PDC: variants seen among roughly 807,000 people sequenced by gnomAD.
PDC encodes 33 kDa phototransducing protein.
PDC carries 19 observed loss-of-function variants against 22.2 expected under a neutral mutation model. The ratio of observed to expected loss-of-function variants is 0.86; its 90% CI spans 0.60 to 1.26. The LOEUF (loss-of-function observed/expected upper bound fraction) is 1.26, where lower values mean the gene tolerates loss of function less well. PDC is among the 50% of genes most tolerant of loss of function. The pLI, the probability that PDC is intolerant of heterozygous loss-of-function variation, is 0.00. For missense variants in PDC, 274 were observed against 286.8 expected (o/e 0.96, Z 0.32); for synonymous variants, 97 against 96.2 (o/e 1.01, Z -0.05).
At chr1:186,457,838 G>T (rs1310019662) in intron 1 of PDC, among the ~76,000 whole-genome samples, 1 of 152,082 alleles carries the variant, frequency 6.6e-6, no homozygotes, top group Non-Finnish European at 1.5e-5. Flanking sequence ...TCATCCTGAT[G>T]CTGTTGAAAA....
intron 2 of PDC, among the ~76,000 whole-genome samples, chr1:186,446,822 T>TA (rs1662240696): frequency 6.6e-6 from 1 of 152,162 alleles, no homozygotes; most frequent in Admixed American, 6.5e-5. Context: ...AAAATATAAA[T>TA]TATGCACTTT....
rs1662166559 is a variant in PDC, at chr1:186,444,113, T to C, written c.607A>G (p.Ser203Gly). The change falls in exon 4 of 4, where the codon AGT (serine) becomes GGT (glycine). Residue 203 changes from serine to glycine, a missense_variant. Transcript: ENST00000391997. ...KGGELISNFISVAEQFAEEFF... is the reference protein window; with the variant it reads ...KGGELISNFIGVAEQFAEEFF... The stretch of plus-strand genomic sequence containing the variant: ...TCTTCAGCAAACTGTTCAGCAACAC[T>C]AATAAAATTGCTTATGAGTTCCCCA... The C allele has an allele frequency of 6.2e-7, 1 of 1,613,926 alleles. No individual in the cohort carries two copies. Among genetic ancestry groups the C allele is most frequent in the African/African-American group, 1.3e-5 (1 of 74,914 alleles).
chr1:186,459,249 T>A (rs1361684965), intron 1 of PDC, among the ~76,000 whole-genome samples: 1 of 152,142 alleles, frequency 6.6e-6, no homozygotes, highest in Non-Finnish European at 1.5e-5. Context: ...GATCCTGCTT[T>A]GCAGATCTGA....
chr1:186,458,240 T>C (rs1039861174), intron 1 of PDC, among the ~76,000 whole-genome samples: 11 of 149,142 alleles, frequency 7.4e-5, no homozygotes, highest in Non-Finnish European at 1.6e-4. Context: ...TTTTTTTTTT[T>C]TTTTTTTTTT....
intron 1 of PDC, among the ~76,000 whole-genome samples, chr1:186,456,782 G>A (rs1662481253): frequency 6.6e-6 from 1 of 152,112 alleles, no homozygotes; most frequent in Admixed American, 6.6e-5. Flanking sequence ...ATTAAACATG[G>A]GATAAAAATA....
chr1:186,454,176 T>TC (rs1391431952), intron 1 of PDC, among the ~76,000 whole-genome samples: 20 of 141,532 alleles, frequency 1.4e-4, no homozygotes, highest in Admixed American at 1.3e-3. Flanking sequence ...TTCTTTTTTT[T>TC]TTTTTTTTTT....
At chr1:186,453,395 A>T (rs905853759) in intron 1 of PDC, among the ~76,000 whole-genome samples, 1 of 152,230 alleles carries the variant, frequency 6.6e-6, no homozygotes, top group Non-Finnish European at 1.5e-5. Context: ...TATCGTCATT[A>T]TCATTGGTCA....
chr1:186,452,892 A>G (rs981571346), intron 1 of PDC, among the ~76,000 whole-genome samples: 2 of 152,200 alleles, frequency 1.3e-5, no homozygotes, highest in Non-Finnish European at 2.9e-5. Flanking sequence ...TATTTTCCAC[A>G]TCACATAATT....
chr1:186,447,085 C>A (rs575812924), intron 2 of PDC, among the ~76,000 whole-genome samples: 3 of 152,112 alleles, frequency 2.0e-5, no homozygotes, highest in South Asian at 2.1e-4. Context: ...AAAATTATTA[C>A]GAGAACATCC....
At chr1:186,455,971 C>CAAAAAAAAA (rs1213649798) in intron 1 of PDC, among the ~76,000 whole-genome samples, 2 of 8,654 alleles carry the variant, frequency 2.3e-4, no homozygotes, top group African/African-American at 3.5e-4. Context: ...GACTCCGTCT[C>CAAAAAAAAA]AAAAAAAAAA....
chr1:186,461,046 CT>C lies in PDC; in HGVS notation c.-25+12del, dbSNP rs1320731583. 1 of 154,916 alleles carries C rather than the reference CT, an allele frequency of 6.5e-6. No homozygotes were observed. Among genetic ancestry groups the C allele is most frequent in the East Asian group, 1.9e-4 (1 of 5,160 alleles). 9.6% of individuals were successfully genotyped at this position (154,916 alleles called of 1,614,324 possible). A position where few individuals can be genotyped will look rare whatever the true frequency, so the allele number is the denominator to read the frequency against. ...TAAAATTATATTATCAAAAGGACTA[CT>C]TGTGGACTCACAGTTTGGATCTCTG... On this transcript the variant is annotated intron_variant, in intron 1 of 3. Coordinates refer to ENST00000391997, the MANE Select transcript of PDC (RefSeq NM_002597.5).
At chr1:186,459,921 GA>G (rs5779292) in intron 1 of PDC, among the ~76,000 whole-genome samples, 49,546 of 140,444 alleles carry the variant, frequency 0.35, 9,122 homozygotes, top group African/African-American at 0.5. Context: ...AAACAAAATA[GA>G]AAAAAAAAAA....
chr1:186,444,379 A>G lies in PDC; in HGVS notation c.341T>C (p.Val114Ala), dbSNP rs778685072. ...KLSFGPRYGF[V>A]YELETGKQFL... ...TTGCTTTCCAGTTTCCAGCTCATAC[A>G]CAAACCCATATCTAGGCCCAAAACT... Residue 114 changes from valine (V) to alanine (A), a missense_variant, in exon 4 of 4, where the codon GTG becomes GCG. By Grantham distance (64) the Val-to-Ala change is moderately conservative. Coordinates refer to ENST00000391997, the MANE Select transcript of PDC (RefSeq NM_002597.5). 1 of 1,614,096 alleles carries G rather than the reference A, an allele frequency of 6.2e-7. No individual in the cohort carries two copies. The highest frequency in any genetic ancestry group is 8.5e-7 in the Non-Finnish European group (1 of 1,179,980).
rs1358311799 is a variant in PDC at position 186,444,075 on chromosome 1, C to A, written c.645G>T (p.Gly215=). 1.2e-6 allele frequency: 2 copies of A among 1,613,646 alleles called. No homozygotes were observed. Among genetic ancestry groups the A allele is most frequent in the South Asian group, 2.2e-5 (2 of 91,070 alleles). ...AEQFAEEFFA[G]DVESFLNEYG... ...ATTCATTTAGGAAAGACTCCACATC[C>A]CCAGCAAAAAATTCTTCAGCAAACT... The change falls in exon 4 of 4, where the codon GGG becomes GGT. Residue 215 remains glycine (G), a synonymous_variant. Transcript: ENST00000391997.
intron 2 of PDC, 23 bp downstream of exon 2, chr1:186,449,376 T>A: frequency 6.6e-7 from 1 of 1,514,516 alleles, no homozygotes; most frequent in Non-Finnish European, 9.1e-7. Flanking sequence ...TTAATAATTA[T>A]TTTTTCTTCT....
Position 186,444,091 on chromosome 1 carries a change from T to G in PDC, c.629A>C (p.Glu210Ala). Residue 210 changes from glutamate (E) to alanine (A), a missense_variant, in exon 4 of 4, where the codon GAA (glutamate) becomes GCA (alanine). Coordinates refer to ENST00000391997, the MANE Select transcript of PDC (RefSeq NM_002597.5). ...CTCCACATCCCCAGCAAAAAATTCT[T>G]CAGCAAACTGTTCAGCAACACTAAT... ...NFISVAEQFA[E>A]EFFAGDVESF... The G allele has an allele frequency of 6.2e-7, 1 of 1,614,004 alleles. No homozygotes were observed.
rs1378360955 is a variant in PDC at position 186,443,996 on chromosome 1, C to G, written c.724G>C (p.Glu242Gln). ...GTGAATCTTCATTCAACATCTTCTT[C>G]TTCTATTTTGGTATGCTCTAGGACA... The part of the protein sequence containing the change: ...VHVLEHTKIE[E>Q]EDVE Residue 242 changes from glutamate to glutamine, a missense_variant, in exon 4 of 4, where the codon GAA becomes CAA. Glu to Gln is a conservative substitution (Grantham distance 29, BLOSUM62 2). Coordinates refer to ENST00000391997, the MANE Select transcript of PDC (RefSeq NM_002597.5). The G allele has an allele frequency of 3.1e-6, 5 of 1,605,344 alleles. No individual in the cohort carries two copies. The highest frequency in any genetic ancestry group is 3.4e-5 in the Admixed American group (2 of 59,226).
intron 1 of PDC, among the ~76,000 whole-genome samples, chr1:186,460,094 CACA>C (rs1395431015): frequency 6.6e-6 from 1 of 152,088 alleles, no homozygotes; most frequent in Non-Finnish European, 1.5e-5. Context: ...AAACCACCGC[CACA>C]ACAACATACT....
In PDC at chr1:186,444,018, G is replaced by A; in HGVS notation, c.702C>T (p.Val234=). Residue 234 remains valine (V), a synonymous_variant, in exon 4 of 4, where the codon GTC becomes GTT. Transcript: ENST00000391997. ...YGLLPEREVH[V]LEHTKIEEED... ...CTTCTTCTATTTTGGTATGCTCTAGGACATGTACCTCTCTTTCAGGTAGTA... is the reference window on the plus strand; with the variant it reads ...CTTCTTCTATTTTGGTATGCTCTAGAACATGTACCTCTCTTTCAGGTAGTA... 6.2e-7 allele frequency: 1 copy of A among 1,611,734 alleles called. No homozygotes were observed. The highest frequency in any genetic ancestry group is 8.5e-7 in the Non-Finnish European group (1 of 1,177,908).
Sources: allele counts gnomAD v4.1 joint callset (sites outside exome capture counted in the v4.1 genomes callset), GRCh38; gene constraint gnomAD v4.1.1; transcripts MANE v1.5; gene names NCBI Gene and HGNC (gene_info 2026-07-23, HGNC 2026-07-21).